Variants in NRXN3 observed in about 807,000 individuals in gnomAD.
The protein encoded by NRXN3 is neurexin 3, also known as neurexin III.
Under a neutral mutation model 137.6 loss-of-function variants are expected in NRXN3, and 32 were observed. The observed-to-expected ratio is 0.23, with a 90% CI of 0.18 to 0.31. The LOEUF (loss-of-function observed/expected upper bound fraction) is 0.31. Ranked by LOEUF, NRXN3 falls within the 10% of genes least tolerant of loss-of-function variation. The pLI is 1.00. For missense variants in NRXN3, 1,574 were observed against 2,062.5 expected (o/e 0.76, Z 4.59); for synonymous variants, 798 against 784.5 (o/e 1.02, Z -0.29).
intron 15 of NRXN3, among the ~76,000 whole-genome samples, chr14:79,006,375 TAA>T (rs1363205883): frequency 1.3e-5 from 2 of 152,106 alleles, no homozygotes; most frequent in Admixed American, 1.3e-4. Flanking sequence ...AAGCATGAAC[TAA>T]AGTGTCAGTA....
At chr14:78,825,976 T>G (rs1357631310) in intron 10 of NRXN3, among the ~76,000 whole-genome samples, 1 of 152,214 alleles carries the variant, frequency 6.6e-6, no homozygotes, top group Non-Finnish European at 1.5e-5. Flanking sequence ...TGGATGAGTA[T>G]CATGCATTGC....
At chr14:78,934,464 A>G (rs141129444) in intron 10 of NRXN3, among the ~76,000 whole-genome samples, 28 of 152,242 alleles carry the variant, frequency 1.8e-4, no homozygotes, top group African/African-American at 5.8e-4. Context: ...GATCTCCTCT[A>G]TGGGCCCAGC....
Position 79,467,306 on chromosome 14 carries a change from C to T in NRXN3, c.3348C>T (p.Asp1116=). The T allele has an allele frequency of 6.2e-7, 1 of 1,613,646 alleles. No individual in the cohort carries two copies. The highest frequency in any genetic ancestry group is 1.1e-5 in the South Asian group (1 of 91,066). The part of the protein sequence containing the change: ...PANDRPSTRS[D]RLAVGFSTTV... The stretch of plus-strand genomic sequence containing the variant: ...ATGACAGGCCCAGCACGCGGTCTGA[C>T]CGCCTTGCCGTGGGCTTCAGCACCA... Residue 1116 remains aspartate, a synonymous_variant, in exon 16 of 21, where the codon GAC becomes GAT. Coordinates refer to ENST00000335750, the MANE Select transcript of NRXN3 (RefSeq NM_001330195.2).
At chr14:79,050,017 G>T (rs1014118730) in intron 15 of NRXN3, among the ~76,000 whole-genome samples, 3 of 152,190 alleles carry the variant, frequency 2.0e-5, no homozygotes, top group Admixed American at 6.5e-5. Flanking sequence ...TGAGAAACAG[G>T]AATATCATAA....
chr14:79,076,303 A>G (rs1414621333), intron 15 of NRXN3, among the ~76,000 whole-genome samples: 1 of 152,198 alleles, frequency 6.6e-6, no homozygotes, highest in Admixed American at 6.6e-5. Flanking sequence ...TAGCAGCTCA[A>G]AAATCAACAA....
At chr14:78,782,283 A>T (rs1372274426) in intron 8 of NRXN3, among the ~76,000 whole-genome samples, 20 of 152,308 alleles carry the variant, frequency 1.3e-4, no homozygotes. Flanking sequence ...TCCTGTAAGA[A>T]CTTTTAACAT....
intron 15 of NRXN3, among the ~76,000 whole-genome samples, chr14:79,404,887 G>A (rs1378367491): frequency 6.6e-6 from 1 of 152,158 alleles, no homozygotes; most frequent in Non-Finnish European, 1.5e-5. Flanking sequence ...ACATGTGCAG[G>A]CCCGTGTGTT....
chr14:79,142,601 T>G (rs982838593), intron 15 of NRXN3, among the ~76,000 whole-genome samples: 1 of 152,094 alleles, frequency 6.6e-6, no homozygotes, highest in Admixed American at 6.5e-5. Context: ...CATGCCAGGT[T>G]AAGAAGTTGG....
chr14:78,336,689 T>G (rs1046780488), intron 4 of NRXN3, among the ~76,000 whole-genome samples: 2 of 152,136 alleles, frequency 1.3e-5, no homozygotes, highest in African/African-American at 4.8e-5. Context: ...AGATGATTGT[T>G]AGTAACAGAG....
chr14:79,145,376 AAGTCATATCTCAC>A (rs2059205252), intron 15 of NRXN3, among the ~76,000 whole-genome samples: 1 of 152,122 alleles, frequency 6.6e-6, no homozygotes, highest in African/African-American at 2.4e-5. Context: ...CAGAGACCGA[AAGTCATATCTCAC>A]TTAGTTCTAC....
At chr14:78,197,662 A>C (rs983356361) in intron 1 of NRXN3, among the ~76,000 whole-genome samples, 7 of 152,150 alleles carry the variant, frequency 4.6e-5, no homozygotes, top group Admixed American at 3.9e-4. Context: ...GGACATTCTT[A>C]GCTCCCCACA....
At chr14:78,847,161 C>T (rs889607487) in intron 10 of NRXN3, among the ~76,000 whole-genome samples, 1 of 152,048 alleles carries the variant, frequency 6.6e-6, no homozygotes, top group Admixed American at 6.6e-5. Flanking sequence ...AATGAAACTC[C>T]ATATGAGAGC....
At chr14:79,661,553 G>T (rs991910711) in intron 16 of NRXN3, 20 of 152,116 alleles carry the variant, frequency 1.3e-4, no homozygotes, top group Admixed American at 1.1e-3. Context: ...AGAAACCAGT[G>T]TCCCTCCCTC....
At chr14:79,300,566 G>A (rs1449201897) in intron 15 of NRXN3, among the ~76,000 whole-genome samples, 1 of 152,046 alleles carries the variant, frequency 6.6e-6, no homozygotes, top group Admixed American at 6.6e-5. Flanking sequence ...ATATCTCTGT[G>A]CTTTGTGACC....
intron 4 of NRXN3, among the ~76,000 whole-genome samples, chr14:78,639,428 G>A (rs1374796727): frequency 6.6e-6 from 1 of 152,202 alleles, no homozygotes; most frequent in Non-Finnish European, 1.5e-5. Flanking sequence ...CACTTCAGAG[G>A]GGTCAGCATT....
intron 4 of NRXN3, among the ~76,000 whole-genome samples, chr14:78,620,131 T>C (rs952957944): frequency 1.3e-5 from 2 of 152,228 alleles, no homozygotes; most frequent in Admixed American, 1.3e-4. Context: ...GGCATAAAGT[T>C]ACCTGTTTTT....
At chr14:79,705,878 A>G (rs1250955175) in intron 19 of NRXN3, among the ~76,000 whole-genome samples, 2 of 152,192 alleles carry the variant, frequency 1.3e-5, no homozygotes, top group African/African-American at 4.8e-5. Flanking sequence ...GTAGATTGTG[A>G]GTTCTAGGAT....
At chr14:79,403,411 G>T (rs115678472) in intron 15 of NRXN3, among the ~76,000 whole-genome samples, 2 of 152,086 alleles carry the variant, frequency 1.3e-5, no homozygotes, top group Admixed American at 1.3e-4. Flanking sequence ...GTAGGGGGAA[G>T]GAAAAAGGAA....
Position 78,803,674 on chromosome 14 carries a change from T to C in NRXN3, c.2099T>C (p.Met700Thr), listed in dbSNP as rs201984845. Reference sequence around the variant, plus strand: ...ATGTACATGAAGATCATCATGCCCATGGTCATGCATACTGAGGCAGAGGAT... The same window carrying C: ...ATGTACATGAAGATCATCATGCCCACGGTCATGCATACTGAGGCAGAGGAT... ...GSMYMKIIMP[M>T]VMHTEAEDVS... The change falls in exon 9 of 21, where the codon ATG becomes ACG. Residue 700 changes from methionine (M) to threonine (T), a missense_variant. Physicochemically the swap from Met to Thr is moderately conservative, Grantham distance 81. Around this residue, in one of 5 missense-constraint regions of NRXN3, gnomAD observed 718 missense variants for 887.6 expected, o/e 0.81. Coordinates refer to ENST00000335750, the MANE Select transcript of NRXN3 (RefSeq NM_001330195.2). 5.6e-6 allele frequency: 9 copies of C among 1,614,164 alleles called. No homozygotes were observed. Among genetic ancestry groups the C allele is most frequent in the East Asian group, 2.2e-5 (1 of 44,884 alleles).
Sources: gnomAD v4.1 joint callset for allele counts (sites outside exome capture counted in the v4.1 genomes callset) on GRCh38, gnomAD v4.1.1 for gene constraint, gnomAD v4.1.1 regional missense constraint, MANE v1.5 for transcripts, NCBI Gene and HGNC (gene_info 2026-07-23, HGNC 2026-07-21) for gene names.